The following PLAC1 variants were observed in gnomAD, a reference collection of about 807,000 sequenced individuals.
PLAC1 encodes placenta-specific protein 1.
For missense variants in PLAC1, 136 were observed against 163.2 expected, an observed-to-expected ratio of 0.83 and a Z score of 0.91; for synonymous variants, 68 against 62.1, an observed-to-expected ratio of 1.09 and a Z score of -0.44.
intron 1 of PLAC1, among the ~76,000 whole-genome samples, chrX:134,615,666 G>A (rs904911122): frequency 8.9e-6 from 1 of 111,877 alleles, no homozygotes; most frequent in Non-Finnish European, 1.9e-5. Flanking sequence ...CAAAGCTAAT[G>A]TCAAGGCGCT....
chrX:134,684,574 T>C (rs753743212), intron 2 of PLAC1, among the ~76,000 whole-genome samples: 8 of 111,726 alleles, frequency 7.2e-5, no homozygotes, highest in Non-Finnish European at 1.3e-4. Flanking sequence ...AAGTACAGTT[T>C]TTTTTCTTGC....
intron 2 of PLAC1, among the ~76,000 whole-genome samples, chrX:134,588,879 C>G (rs1270889964): frequency 9.0e-6 from 1 of 111,575 alleles, no homozygotes; most frequent in Non-Finnish European, 1.9e-5. Context: ...GAACATGGAA[C>G]TCAGCCAGAA....
At chrX:134,707,057 G>T (rs1217367842) in intron 2 of PLAC1, among the ~76,000 whole-genome samples, 2 of 111,889 alleles carry the variant, frequency 1.8e-5, no homozygotes, top group Non-Finnish European at 3.8e-5. Context: ...AAACCTACAG[G>T]TTCAAAAAGC....
intron 1 of PLAC1, among the ~76,000 whole-genome samples, chrX:134,605,201 T>C (rs1245446912): frequency 8.9e-6 from 1 of 111,785 alleles, no homozygotes; most frequent in Non-Finnish European, 1.9e-5. Flanking sequence ...GTACTTAGTC[T>C]CAGCTGCCAG....
intron 2 of PLAC1, among the ~76,000 whole-genome samples, chrX:134,682,712 C>T (rs1242694765): frequency 5.4e-5 from 6 of 110,844 alleles, no homozygotes; most frequent in Non-Finnish European, 9.4e-5. Context: ...CCCACCACCA[C>T]GCCCAGCTAA....
At chrX:134,615,935 G>T (rs1323898542) in intron 1 of PLAC1, among the ~76,000 whole-genome samples, 1 of 110,082 alleles carries the variant, frequency 9.1e-6, no homozygotes, top group African/African-American at 3.3e-5. Flanking sequence ...TGGTCTATGT[G>T]TTTTTTTAAT....
intron 2 of PLAC1, among the ~76,000 whole-genome samples, chrX:134,718,388 C>T (rs988973335): frequency 8.9e-6 from 1 of 112,293 alleles, no homozygotes; most frequent in Non-Finnish European, 1.9e-5. Context: ...ATGGGCATTA[C>T]TTGAAAAGTA....
chrX:134,712,542 A>C (rs1569409753), intron 2 of PLAC1, among the ~76,000 whole-genome samples: 2 of 111,612 alleles, frequency 1.8e-5, no homozygotes, highest in African/African-American at 6.5e-5. Context: ...ATTCACAAGT[A>C]TGAGTTGACA....
chrX:134,754,321 C>T (rs1413904053), intron 1 of PLAC1, among the ~76,000 whole-genome samples: 3 of 111,932 alleles, frequency 2.7e-5, no homozygotes, highest in Non-Finnish European at 3.8e-5. Flanking sequence ...TATCAAAACT[C>T]CTAAACATTC....
intron 2 of PLAC1, among the ~76,000 whole-genome samples, chrX:134,725,932 G>T (rs1320458597): frequency 8.9e-6 from 1 of 111,877 alleles, no homozygotes; most frequent in African/African-American, 3.3e-5. Flanking sequence ...AGGAGGCAGA[G>T]GTTGCAGTGA....
intron 2 of PLAC1, among the ~76,000 whole-genome samples, chrX:134,580,918 G>C (rs1009869179): frequency 2.7e-5 from 3 of 111,688 alleles, no homozygotes; most frequent in African/African-American, 9.8e-5. Flanking sequence ...TCTGTACAAA[G>C]CCACCAGATA....
At chrX:134,629,737 T>A (rs1276418103) in intron 1 of PLAC1, among the ~76,000 whole-genome samples, 2 of 111,025 alleles carry the variant, frequency 1.8e-5, no homozygotes, top group African/African-American at 3.3e-5. Flanking sequence ...TGCACAGCCT[T>A]TGAGGCTGCT....
chrX:134,690,646 C>A (rs1245186242), intron 2 of PLAC1, among the ~76,000 whole-genome samples: 2 of 109,410 alleles, frequency 1.8e-5, no homozygotes, highest in Non-Finnish European at 3.8e-5. Context: ...AGGTCACACT[C>A]AAAAATATCA....
intron 2 of PLAC1, among the ~76,000 whole-genome samples, chrX:134,726,481 A>C (rs2078674427): frequency 8.9e-6 from 1 of 111,846 alleles, no homozygotes; most frequent in African/African-American, 3.3e-5. Context: ...TGTTGAATGA[A>C]TGTATAAGGT....
chrX:134,717,727 G>T (rs1258433636), intron 2 of PLAC1, among the ~76,000 whole-genome samples: 1 of 112,167 alleles, frequency 8.9e-6, no homozygotes, highest in Non-Finnish European at 1.9e-5. Context: ...TCGTCAAAAA[G>T]GCCCCAGTCT....
chrX:134,674,028 T>C (rs1395116926), intron 2 of PLAC1, among the ~76,000 whole-genome samples: 1 of 112,646 alleles, frequency 8.9e-6, no homozygotes, highest in Non-Finnish European at 1.9e-5. Context: ...AAGCTACACA[T>C]CTGTTGGGTA....
chrX:134,612,449 G>A (rs187237767), intron 1 of PLAC1, among the ~76,000 whole-genome samples: 19 of 112,177 alleles, frequency 1.7e-4, no homozygotes, highest in African/African-American at 6.1e-4. Context: ...AATATCAAAT[G>A]TTTCATCTCT....
Position 134,706,787 on chromosome X carries a change from A to G in PLAC1, n.174+26648T>C, listed in dbSNP as rs1228369981. Among the ~76,000 whole-genome samples, 6 of 111,831 alleles carry G rather than the reference A, an allele frequency of 5.4e-5. No individual in the cohort carries two copies. In the Admixed American group the frequency reaches 5.7e-4, roughly 11 times the overall value. ...AAACAACCAAAATTTTAAAACTTCA[A>G]TGGATGGGCCCAATAGCAAAATGGA... On this transcript the variant is annotated intron_variant and non_coding_transcript_variant, in intron 2 of 2. Coordinates refer to the PLAC1 transcript ENST00000466797.
chrX:134,584,022 A>AG (rs1341327599), intron 2 of PLAC1, among the ~76,000 whole-genome samples: 5 of 110,398 alleles, frequency 4.5e-5, no homozygotes, highest in Admixed American at 1.9e-4. Context: ...GTGAATGAAA[A>AG]AAAAAAAAAA....
Sources: allele counts gnomAD v4.1 joint callset (sites outside exome capture counted in the v4.1 genomes callset), GRCh38; gene constraint gnomAD v4.1.1; transcripts MANE v1.5; gene names NCBI Gene and HGNC (gene_info 2026-07-23, HGNC 2026-07-21).